The following ARHGAP20 variants were observed in gnomAD, a reference collection of about 807,000 sequenced individuals.
ARHGAP20 encodes rho GTPase-activating protein 20.
ARHGAP20 carries 34 observed loss-of-function variants against 73.7 expected under a neutral mutation model. The observed-to-expected ratio is 0.46, with a 90% CI of 0.35 to 0.61. The LOEUF is 0.61. Ranked by LOEUF, ARHGAP20 falls within the 20% of genes least tolerant of loss-of-function variation. The pLI is 0.00. For synonymous variants in ARHGAP20, 523 were observed against 518.2 expected (o/e 1.01, Z -0.13); for missense variants, 1,314 against 1,420.9 (o/e 0.92, Z 1.21).
At chr11:110,636,950 T>G (rs916662799) in intron 2 of ARHGAP20, among the ~76,000 whole-genome samples, 1 of 151,978 alleles carries the variant, frequency 6.6e-6, no homozygotes, top group African/African-American at 2.4e-5. Flanking sequence ...GACTTACAAG[T>G]TATAATTAAC....
chr11:110,712,079 T>TGGGGGCTGCGGCGGC (rs1250234529), intron 1 of ARHGAP20, 48 bp downstream of exon 1: 1 of 1,256,204 alleles, frequency 8.0e-7, no homozygotes, highest in Non-Finnish European at 1.0e-6. Context: ...GCGCCGGCAG[T>TGGGGGCTGCGGCGGC]GGGGGCTGCG....
At chr11:110,656,244 G>C (rs1413612288) in intron 2 of ARHGAP20, among the ~76,000 whole-genome samples, 1 of 151,980 alleles carries the variant, frequency 6.6e-6, no homozygotes, top group Non-Finnish European at 1.5e-5. Flanking sequence ...CTTTTGGTGG[G>C]AGCACGTGGG....
intron 2 of ARHGAP20, among the ~76,000 whole-genome samples, chr11:110,670,142 C>G (rs544022000): frequency 6.6e-6 from 1 of 152,136 alleles, no homozygotes; most frequent in Non-Finnish European, 1.5e-5. Flanking sequence ...TTATCTTGAT[C>G]ATAATGTTGG....
chr11:110,616,335 A>G lies in ARHGAP20; in HGVS notation c.504-741T>C, dbSNP rs1016392775. 4.6e-5 allele frequency among the ~76,000 whole-genome samples: 7 copies of G among 152,266 alleles called. No individual in the cohort carries two copies. In the East Asian group the frequency reaches 1.2e-3, roughly 25 times the overall value. ...TAAAAATAATTTAAAGTTTATTCCT[A>G]TGTGGTCTTGTCACTAACAAGCTTT... On this transcript the variant is annotated intron_variant, in intron 4 of 14. Coordinates refer to ENST00000683387, the MANE Select transcript of ARHGAP20 (RefSeq NM_001384657.1).
chr11:110,615,546 A>G lies in ARHGAP20; in HGVS notation c.545+7T>C. 5 of 1,608,556 alleles carry G rather than the reference A, an allele frequency of 3.1e-6. No homozygotes were observed. The highest frequency in any genetic ancestry group is 4.2e-6 in the Non-Finnish European group (5 of 1,177,802). The stretch of plus-strand genomic sequence containing the variant: ...AAAGATTAAAAATATGAATACTGAA[A>G]AAATACCTCTGAAGGAGAGAGAGCC... On this transcript the variant is annotated splice_region_variant and intron_variant, in intron 5 of 14. Coordinates refer to ENST00000683387, the MANE Select transcript of ARHGAP20 (RefSeq NM_001384657.1).
chr11:110,692,537 T>C (rs1299995266), intron 1 of ARHGAP20, among the ~76,000 whole-genome samples: 1 of 152,122 alleles, frequency 6.6e-6, no homozygotes. Context: ...GCTTTACATC[T>C]GCTTTCTCTA....
chr11:110,590,855 C>CA, intron 10 of ARHGAP20, 46 bp from the exon 11 acceptor site: 1 of 1,571,248 alleles, frequency 6.4e-7, no homozygotes, highest in Non-Finnish European at 8.6e-7. Context: ...CTTCCACACA[C>CA]ACAAGGGAAT....
At chr11:110,655,849 G>A (rs1949454860) in intron 2 of ARHGAP20, among the ~76,000 whole-genome samples, 2 of 152,240 alleles carry the variant, frequency 1.3e-5, no homozygotes, top group Admixed American at 6.5e-5. Flanking sequence ...CTTAGGGCCA[G>A]GCATTTCTCT....
At chr11:110,581,595 G>A (rs982182547) in intron 14 of ARHGAP20, among the ~76,000 whole-genome samples, 2 of 152,172 alleles carry the variant, frequency 1.3e-5, no homozygotes, top group African/African-American at 4.8e-5. Flanking sequence ...CTTAACACTA[G>A]TCTTGGGGAA....
intron 1 of ARHGAP20, among the ~76,000 whole-genome samples, chr11:110,707,810 C>T (rs1199282162): frequency 4.0e-5 from 6 of 151,828 alleles, no homozygotes; most frequent in South Asian, 2.1e-4. Flanking sequence ...TTGTCTAATT[C>T]GGGGTTATGT....
chr11:110,669,483 C>A lies in ARHGAP20; in HGVS notation c.188+21064G>T, dbSNP rs80190338. ...AAACTCAACAGTAAGAAAAAAAAAA[C>A]CCAACACAAAATGAGGAGATGTGAA... On this transcript the variant is annotated intron_variant, in intron 2 of 14. Transcript: ENST00000683387. Among the ~76,000 whole-genome samples the A allele has an allele frequency of 9.4e-4, 142 of 150,462 alleles. 2 individuals are homozygous for A. The East Asian group carries it at 0.025, about 26-fold the overall frequency.
chr11:110,579,790 C>A lies in ARHGAP20; in HGVS notation c.3156G>T (p.Lys1052Asn), dbSNP rs144340070. Residue 1052 changes from lysine (K) to asparagine (N), a missense_variant, in exon 15 of 15, where the codon AAG (lysine) becomes AAT (asparagine). Coordinates refer to ENST00000683387, the MANE Select transcript of ARHGAP20 (RefSeq NM_001384657.1). ...VASLKNWSLK[K>N]KAKAARPEEE... ...CCTCTGGTCTGGCTGCCTTTGCTTTCTTTTTGAGGGACCAGTTTTTCAAAC... is the reference window on the plus strand; with the variant it reads ...CCTCTGGTCTGGCTGCCTTTGCTTTATTTTTGAGGGACCAGTTTTTCAAAC... 8.1e-6 allele frequency: 13 copies of A among 1,613,972 alleles called. No homozygotes were observed. In the African/African-American group the frequency reaches 1.7e-4, roughly 22 times the overall value.
In ARHGAP20 at chr11:110,626,122, C is replaced by G. The variant is rs1196712332; in HGVS notation, c.354-1811G>C. Among the ~76,000 whole-genome samples, 3 of 152,120 alleles carry G rather than the reference C, an allele frequency of 2.0e-5. No homozygotes were observed. The East Asian group carries it at 5.8e-4, about 29-fold the overall frequency. ...TTTAGATTTTTAAAATAAAACAGAC[C>G]CAATTACAGACCAAATTTTATTTAT... On this transcript the variant is annotated intron_variant, in intron 3 of 14. Coordinates refer to ENST00000683387, the MANE Select transcript of ARHGAP20 (RefSeq NM_001384657.1).
chr11:110,661,313 C>A (rs1949606814), intron 2 of ARHGAP20, among the ~76,000 whole-genome samples: 1 of 151,956 alleles, frequency 6.6e-6, no homozygotes, highest in African/African-American at 2.4e-5. Context: ...GGGGAAAAAA[C>A]ACAGTGGGGG....
At chr11:110,675,649 G>A (rs1276592769) in intron 2 of ARHGAP20, among the ~76,000 whole-genome samples, 2 of 152,114 alleles carry the variant, frequency 1.3e-5, no homozygotes, top group Non-Finnish European at 2.9e-5. Flanking sequence ...CTAGGTGGTA[G>A]GTAATACTTG....
intron 2 of ARHGAP20, among the ~76,000 whole-genome samples, chr11:110,654,756 C>T (rs1050912273): frequency 3.3e-5 from 5 of 152,078 alleles, no homozygotes; most frequent in African/African-American, 9.7e-5. Context: ...GAACATTCAG[C>T]GTAAGTGCTA....
intron 2 of ARHGAP20, among the ~76,000 whole-genome samples, chr11:110,666,156 T>C (rs1239206577): frequency 6.6e-6 from 1 of 152,000 alleles, no homozygotes; most frequent in Non-Finnish European, 1.5e-5. Context: ...ACCTAAGAAT[T>C]TGACAAAAAT....
At chr11:110,665,238 C>T (rs1252042785) in intron 2 of ARHGAP20, among the ~76,000 whole-genome samples, 1 of 151,850 alleles carries the variant, frequency 6.6e-6, no homozygotes, top group Admixed American at 6.6e-5. Context: ...ACTTTTTAGA[C>T]ATATTAGAAA....
chr11:110,580,038 CAGTG>C lies in ARHGAP20; in HGVS notation c.2904_2907del (p.Thr969ArgfsTer6). ...GTGCAATCTATTGGAGAGGAAGTCT[CAGTG>C]GGTGTAAACACAGAGTGTTCAGAAA... On this transcript the variant is annotated frameshift_variant, in exon 15 of 15. Transcript: ENST00000683387. LOFTEE classifies it low-confidence loss of function (END_TRUNC). 1 of 1,614,168 alleles carries C rather than the reference CAGTG, an allele frequency of 6.2e-7. No individual in the cohort carries two copies. The highest frequency in any genetic ancestry group is 8.5e-7 in the Non-Finnish European group (1 of 1,180,032).
Sources: gnomAD v4.1 joint callset for allele counts (sites outside exome capture counted in the v4.1 genomes callset) on GRCh38, gnomAD v4.1.1 for gene constraint, MANE v1.5 for transcripts, NCBI Gene and HGNC (gene_info 2026-07-23, HGNC 2026-07-21) for gene names.